SLC25A21: variants seen among roughly 807,000 people sequenced by gnomAD.
SLC25A21 encodes solute carrier family 25 member 21.
In SLC25A21, 47 loss-of-function variants were observed where a neutral mutation model predicts 43.8. The ratio of observed to expected loss-of-function variants is 1.07; its 90% CI spans 0.85 to 1.37. SLC25A21 has a LOEUF of 1.37. SLC25A21 is among the 40% of genes most tolerant of loss of function. The pLI is 0.00. For missense variants in SLC25A21, 352 were observed against 350.2 expected, an observed-to-expected ratio of 1.00 and a Z score of -0.04; for synonymous variants, 131 against 121.3, an observed-to-expected ratio of 1.08 and a Z score of -0.52.
chr14:36,684,577 T>A (rs539694676), intron 8 of SLC25A21, among the ~76,000 whole-genome samples, 167 bp downstream of exon 8: 1 of 152,302 alleles, frequency 6.6e-6, no homozygotes, highest in East Asian at 1.9e-4. Context: ...GTTTACAACA[T>A]CTTACTATTG....
chr14:36,868,102 G>T (rs1381486971), intron 2 of SLC25A21, among the ~76,000 whole-genome samples: 1 of 151,928 alleles, frequency 6.6e-6, no homozygotes, highest in Non-Finnish European at 1.5e-5. Flanking sequence ...GCGGAGAAAA[G>T]GAGGGAGAGA....
At chr14:37,031,431 A>G (rs1961208266) in intron 1 of SLC25A21, among the ~76,000 whole-genome samples, 1 of 152,218 alleles carries the variant, frequency 6.6e-6, no homozygotes, top group African/African-American at 2.4e-5. Flanking sequence ...AAAATTTAGA[A>G]TATAAAATGT....
chr14:36,736,010 A>C (rs1299842950), intron 3 of SLC25A21, among the ~76,000 whole-genome samples: 1 of 134,092 alleles, frequency 7.5e-6, no homozygotes, highest in Non-Finnish European at 1.5e-5. Flanking sequence ...ATCTCGGCTC[A>C]CTGCAAGCTC....
chr14:37,043,949 T>G (rs980272542), intron 1 of SLC25A21, among the ~76,000 whole-genome samples: 36 of 151,026 alleles, frequency 2.4e-4, no homozygotes, highest in Non-Finnish European at 4.0e-4. Context: ...TGTTTTTTTT[T>G]TTTTTTTTGG....
chr14:37,097,331 G>A (rs905257877), intron 1 of SLC25A21: 1 of 152,128 alleles, frequency 6.6e-6, no homozygotes, highest in Non-Finnish European at 1.5e-5. Context: ...GAACTCCTGA[G>A]CTCAAGCTAT....
chr14:37,098,169 A>C (rs1962738732), intron 1 of SLC25A21: 1 of 152,188 alleles, frequency 6.6e-6, no homozygotes, highest in Admixed American at 6.5e-5. Flanking sequence ...GGACGGAGTA[A>C]GATTGTTGAG....
chr14:37,167,095 G>C (rs1964042424), intron 1 of SLC25A21, among the ~76,000 whole-genome samples: 1 of 152,178 alleles, frequency 6.6e-6, no homozygotes, highest in Admixed American at 6.5e-5. Flanking sequence ...CGGCAGACCT[G>C]TTCAGCAGAA....
intron 3 of SLC25A21, among the ~76,000 whole-genome samples, chr14:36,758,896 T>C (rs751630845): frequency 6.6e-6 from 1 of 152,200 alleles, no homozygotes. Context: ...TGAGAAAGGA[T>C]GCATTTCGGC....
intron 1 of SLC25A21, among the ~76,000 whole-genome samples, chr14:36,995,783 A>G (rs534194375): frequency 6.6e-6 from 1 of 150,848 alleles, no homozygotes; most frequent in South Asian, 2.1e-4. Context: ...ATCAAGACTT[A>G]CGTTAAAATC....
At chr14:36,711,959 T>C (rs1032096517) in intron 6 of SLC25A21, among the ~76,000 whole-genome samples, 1 of 152,226 alleles carries the variant, frequency 6.6e-6, no homozygotes, top group African/African-American at 2.4e-5. Flanking sequence ...GCCTCAATGG[T>C]TGAACCTGGC....
chr14:36,945,916 T>C (rs1892669738), intron 1 of SLC25A21, among the ~76,000 whole-genome samples: 1 of 151,932 alleles, frequency 6.6e-6, no homozygotes. Context: ...CTTTATTTAA[T>C]GAAGAAAAAA....
At chr14:36,713,043 G>A (rs548362549) in intron 6 of SLC25A21, among the ~76,000 whole-genome samples, 20 of 152,220 alleles carry the variant, frequency 1.3e-4, no homozygotes, top group African/African-American at 4.6e-4. Flanking sequence ...CTGGGGGTGG[G>A]AGGAACAGGA....
At chr14:37,164,138 T>C (rs1963994261) in intron 1 of SLC25A21, among the ~76,000 whole-genome samples, 1 of 152,188 alleles carries the variant, frequency 6.6e-6, no homozygotes, top group African/African-American at 2.4e-5. Flanking sequence ...GTTACACTTT[T>C]AAAACATCTT....
In SLC25A21 at chr14:36,985,264, CATGTATATAT is replaced by C. The variant is rs369086733; in HGVS notation, c.71-110270_71-110261del. 9.4e-3 allele frequency among the ~76,000 whole-genome samples: 1,431 copies of C among 151,574 alleles called. 22 individuals are homozygous for C. Among genetic ancestry groups the C allele is most frequent in the African/African-American group, 0.033 (1,363 of 41,206 alleles). On this transcript the variant is annotated intron_variant, in intron 1 of 9. Coordinates refer to ENST00000331299, the MANE Select transcript of SLC25A21 (RefSeq NM_030631.4). ...GTGGGTGCAGCGCACCAGCATGGCA[CATGTATATAT>C]ATGTAACTAACCTGCACAATGTGCA...
chr14:36,707,601 T>A (rs1275907868), intron 7 of SLC25A21, among the ~76,000 whole-genome samples: 1 of 152,168 alleles, frequency 6.6e-6, no homozygotes, highest in Non-Finnish European at 1.5e-5. Flanking sequence ...TGGGAAGTGC[T>A]ATCTAATAGA....
chr14:37,152,171 T>C (rs1963769922), intron 1 of SLC25A21, among the ~76,000 whole-genome samples: 1 of 152,148 alleles, frequency 6.6e-6, no homozygotes, highest in Non-Finnish European at 1.5e-5. Context: ...TTGACTATGA[T>C]AGTTAGGAAG....
At chr14:36,918,189 T>C (rs1242105287) in intron 1 of SLC25A21, among the ~76,000 whole-genome samples, 1 of 152,140 alleles carries the variant, frequency 6.6e-6, no homozygotes, top group Non-Finnish European at 1.5e-5. Context: ...ACTGTAGAGA[T>C]TGAGCTGAAA....
rs190923088 is a variant in SLC25A21, at chr14:37,061,406, C to A, written c.70+110875G>T. On this transcript the variant is annotated intron_variant, in intron 1 of 9. Coordinates refer to ENST00000331299, the MANE Select transcript of SLC25A21 (RefSeq NM_030631.4). The stretch of plus-strand genomic sequence containing the variant: ...CTTGTCTCATTTATTTTCTTCATGG[C>A]AACAGAGGCCCCAATTTCCTTAGTT... 2.9e-3 allele frequency among the ~76,000 whole-genome samples: 446 copies of A among 152,276 alleles called. 11 individuals carry two copies. The highest frequency in any genetic ancestry group is 2.9e-4 in the Non-Finnish European group (20 of 68,024).
rs564175980 is a variant in SLC25A21 at position 36,810,123 on chromosome 14, C to T, written c.203+3795G>A. 9.2e-5 allele frequency among the ~76,000 whole-genome samples: 14 copies of T among 152,178 alleles called. No homozygotes were observed. The South Asian group carries it at 1.2e-3, about 14-fold the overall frequency. On this transcript the variant is annotated intron_variant, in intron 3 of 9. Coordinates refer to ENST00000331299, the MANE Select transcript of SLC25A21 (RefSeq NM_030631.4). ...TTAAAAAATATTTCCATCTCTAAGA[C>T]TAGAGCTCTTTGGCTTTTGGCTAAC...
Sources: allele counts gnomAD v4.1 joint callset (sites outside exome capture counted in the v4.1 genomes callset), GRCh38; gene constraint gnomAD v4.1.1; transcripts MANE v1.5; gene names NCBI Gene and HGNC (gene_info 2026-07-23, HGNC 2026-07-21).